The following SMAD2 variants were observed in gnomAD, a reference collection of about 807,000 sequenced individuals.
SMAD2 encodes the protein MAD homolog 2.
In SMAD2, 8 loss-of-function variants were observed where a neutral mutation model predicts 64.4. The observed-to-expected ratio is 0.12, with a 90% CI of 0.07 to 0.22. The LOEUF (loss-of-function observed/expected upper bound fraction) is 0.22. SMAD2 is among the 10% of genes least tolerant of loss of function. SMAD2 has a pLI of 1.00. For synonymous variants in SMAD2, 203 were observed against 195.8 expected (o/e 1.04, Z -0.31); for missense variants, 289 against 561.2 (o/e 0.51, Z 4.90).
chr18:47,881,780 A>G (rs1333493676), intron 2 of SMAD2, among the ~76,000 whole-genome samples: 1 of 152,212 alleles, frequency 6.6e-6, no homozygotes, highest in Non-Finnish European at 1.5e-5. Context: ...AATGCTTATC[A>G]TGAATGGATG....
At chr18:47,913,187 C>G (rs2034208064) in intron 1 of SMAD2, among the ~76,000 whole-genome samples, 1 of 152,206 alleles carries the variant, frequency 6.6e-6, no homozygotes, top group African/African-American at 2.4e-5. Context: ...TCCCAAAGCA[C>G]AGGGATTACA....
At chr18:47,858,038 A>C (rs1464867578) in intron 6 of SMAD2, among the ~76,000 whole-genome samples, 1 of 152,216 alleles carries the variant, frequency 6.6e-6, no homozygotes, top group East Asian at 1.9e-4. Flanking sequence ...TCAACTTGGC[A>C]AATAGAGAAA....
rs1025071246 is a variant in SMAD2 at position 47,837,751 on chromosome 18, G to C, written c.*4076C>G. 1.3e-5 allele frequency: 3 copies of C among 232,802 alleles called. No homozygotes were observed. Among genetic ancestry groups the C allele is most frequent in the Non-Finnish European group, 2.5e-5 (3 of 117,802 alleles). 14.4% of individuals were successfully genotyped at this position (232,802 alleles called of 1,614,324 possible). ...GTCTAAGTATCAATGCCTTCGATCA[G>C]AGTAAGAAAAAAGTATTCATTGTTC... On this transcript the variant is annotated 3_prime_UTR_variant, in exon 11 of 11. Transcript: ENST00000262160.
Position 47,836,636 on chromosome 18 carries a change from TATTA to T in SMAD2, c.*5187_*5190del, listed in dbSNP as rs1209257851. On this transcript the variant is annotated 3_prime_UTR_variant, in exon 11 of 11. Coordinates refer to ENST00000262160, the MANE Select transcript of SMAD2 (RefSeq NM_005901.6). ...ATGTATATATAAATTCATACACATA[TATTA>T]TTTATTTCCTTCTTAAAAAGACTGA... The T allele has an allele frequency of 1.9e-5, 4 of 214,388 alleles. No homozygotes were observed. Among genetic ancestry groups the T allele is most frequent in the East Asian group, 7.0e-5 (1 of 14,350 alleles). The allele number at this position is 214,388 out of a possible 1,614,324, so 13.3% of individuals were successfully genotyped here.
At position 47,813,143 on chromosome 18, in the gene SMAD2, G is replaced by A. The variant is rs1045395402; in HGVS notation, c.*28684C>T. 2 of 152,186 alleles carry A rather than the reference G, an allele frequency of 1.3e-5. No individual in the cohort carries two copies. Among genetic ancestry groups the A allele is most frequent in the African/African-American group, 2.4e-5 (1 of 41,444 alleles). 9.4% of individuals were successfully genotyped at this position (152,186 alleles called of 1,614,324 possible). A position where few individuals can be genotyped will look rare whatever the true frequency, so the allele number is the denominator to read the frequency against. ...AGGCAGAAGAATTGCTTGAATCCAGGAGGCAGAGGTTGCAGTGAGTCAAGA... is the reference window on the plus strand; with the variant it reads ...AGGCAGAAGAATTGCTTGAATCCAGAAGGCAGAGGTTGCAGTGAGTCAAGA... On this transcript the variant is annotated 3_prime_UTR_variant, in exon 11 of 11. Coordinates refer to ENST00000262160, the MANE Select transcript of SMAD2 (RefSeq NM_005901.6).
Position 47,840,557 on chromosome 18 carries a change from T to A in SMAD2, c.*1270A>T, listed in dbSNP as rs562360853. ...ATTTTTAAAATTCTGAATTCATAATTATGTGTAGAATAACAATCAATTTAT... is the reference window on the plus strand; with the variant it reads ...ATTTTTAAAATTCTGAATTCATAATAATGTGTAGAATAACAATCAATTTAT... On this transcript the variant is annotated 3_prime_UTR_variant, in exon 11 of 11. Transcript: ENST00000262160. The A allele has an allele frequency of 4.3e-5, 10 of 232,260 alleles. No homozygotes were observed. In the East Asian group the frequency reaches 6.1e-4, roughly 14 times the overall value. 14.4% of individuals were successfully genotyped at this position (232,260 alleles called of 1,614,324 possible). A position where few individuals can be genotyped will look rare whatever the true frequency, so the allele number is the denominator to read the frequency against.
intron 3 of SMAD2, 116 bp from the exon 4 acceptor site, chr18:47,869,552 T>G: frequency 1.4e-6 from 1 of 733,724 alleles, no homozygotes. Flanking sequence ...TGACAGCCAT[T>G]TAGTTAGTTT....
chr18:47,877,739 T>C (rs553549474), intron 2 of SMAD2, among the ~76,000 whole-genome samples: 8 of 151,826 alleles, frequency 5.3e-5, no homozygotes, highest in East Asian at 2.0e-4. Context: ...GATTGAGAAA[T>C]AAGTAGGTGC....
intron 6 of SMAD2, among the ~76,000 whole-genome samples, chr18:47,854,329 T>C (rs767505137): frequency 1.4e-4 from 21 of 152,186 alleles, no homozygotes; most frequent in Non-Finnish European, 8.8e-5. Flanking sequence ...CGTCAAACCT[T>C]TGACAAATTA....
chr18:47,905,474 A>C (rs2033867096), intron 1 of SMAD2, among the ~76,000 whole-genome samples: 1 of 152,134 alleles, frequency 6.6e-6, no homozygotes, highest in Non-Finnish European at 1.5e-5. Flanking sequence ...AAAAAACTAG[A>C]ATAACCAAAC....
intron 2 of SMAD2, among the ~76,000 whole-genome samples, chr18:47,884,920 T>C (rs997074918): frequency 1.3e-5 from 2 of 152,166 alleles, no homozygotes; most frequent in African/African-American, 2.4e-5. Context: ...GTTTGATATT[T>C]CTGCTGCCCC....
At chr18:47,863,804 A>G (rs2031363285) in intron 6 of SMAD2, among the ~76,000 whole-genome samples, 1 of 152,224 alleles carries the variant, frequency 6.6e-6, no homozygotes, top group South Asian at 2.1e-4. Context: ...ACTTGGATAC[A>G]TAGCTGGCCA....
rs555064840 is a variant in SMAD2, at chr18:47,820,894, TATACACACACAC to T, written c.*20921_*20932del. 0.011 allele frequency: 1,117 copies of T among 103,028 alleles called. 9 individuals are homozygous for T. Among genetic ancestry groups the T allele is most frequent in the African/African-American group, 0.043 (1,052 of 24,340 alleles). 6.4% of individuals were successfully genotyped at this position (103,028 alleles called of 1,614,324 possible). ...GATAGTGTAAATGCTATACATGCAC[TATACACACACAC>T]ACACACACACACACACACACACACA... On this transcript the variant is annotated 3_prime_UTR_variant, in exon 11 of 11. Coordinates refer to ENST00000262160, the MANE Select transcript of SMAD2 (RefSeq NM_005901.6).
chr18:47,834,820 T>G lies in SMAD2; in HGVS notation c.*7007A>C, dbSNP rs369869153. On this transcript the variant is annotated 3_prime_UTR_variant, in exon 11 of 11. Transcript: ENST00000262160. ...TTTTTGCAATTAATCCAGTTTTGTATGTCTTTTCTTTCTTTTTTAGGTGAA... is the reference window on the plus strand; with the variant it reads ...TTTTTGCAATTAATCCAGTTTTGTAGGTCTTTTCTTTCTTTTTTAGGTGAA... The G allele has an allele frequency of 2.7e-5, 6 of 218,586 alleles. No individual in the cohort carries two copies. The highest frequency in any genetic ancestry group is 4.6e-5 in the Non-Finnish European group (5 of 108,712). The allele number at this position is 218,586 out of a possible 1,614,324, so 13.5% of individuals were successfully genotyped here.
chr18:47,918,586 C>T (rs1403493000), intron 1 of SMAD2, among the ~76,000 whole-genome samples: 1 of 152,142 alleles, frequency 6.6e-6, no homozygotes, highest in Non-Finnish European at 1.5e-5. Context: ...CAAACAAAAC[C>T]AGAAAAATTC....
rs1002926667 is a variant in SMAD2 at position 47,827,911 on chromosome 18, G to A, written c.*13916C>T. On this transcript the variant is annotated 3_prime_UTR_variant, in exon 11 of 11. Transcript: ENST00000262160. ...TCTGCCCGGCCGCCACCCCGTCTGG[G>A]AAGTGAGGAGCATCTCTGCCTGGCT... is the stretch of plus-strand genomic sequence containing the variant. 2.9e-4 allele frequency: 53 copies of A among 182,506 alleles called. No individual in the cohort carries two copies. Among genetic ancestry groups the A allele is most frequent in the Non-Finnish European group, 5.1e-4 (45 of 88,742 alleles). The allele number at this position is 182,506 out of a possible 1,614,324, so 11.3% of individuals were successfully genotyped here. A position where few individuals can be genotyped will look rare whatever the true frequency, so the allele number is the denominator to read the frequency against.
intron 1 of SMAD2, among the ~76,000 whole-genome samples, chr18:47,920,821 AC>A (rs1381780403): frequency 6.6e-6 from 1 of 152,210 alleles, no homozygotes; most frequent in Non-Finnish European, 1.5e-5. Flanking sequence ...TGTTTTTAAT[AC>A]CACAAGACTG....
At position 47,872,541 on chromosome 18, in the gene SMAD2, G is replaced by C. The variant is rs916536249; in HGVS notation, c.237-1977C>G. Among the ~76,000 whole-genome samples the C allele has an allele frequency of 1.3e-3, 205 of 152,206 alleles. 1 individual carries two copies. The highest frequency in any genetic ancestry group is 4.6e-3 in the African/African-American group (191 of 41,512). On this transcript the variant is annotated intron_variant, in intron 2 of 10. Transcript: ENST00000262160. ...GATGACTTAAAGCAGGAGTCTCAGA[G>C]GCCACAGACTGATACCGGTCCACGG...
rs1326614848 is a variant in SMAD2, at chr18:47,834,408, T to C, written c.*7419A>G. ...AATCCACATATATACAAAACTCTGCTAAAAGTTTTGTATCCAGGGAAAGTC... is the reference window on the plus strand; with the variant it reads ...AATCCACATATATACAAAACTCTGCCAAAAGTTTTGTATCCAGGGAAAGTC... On this transcript the variant is annotated 3_prime_UTR_variant, in exon 11 of 11. Coordinates refer to ENST00000262160, the MANE Select transcript of SMAD2 (RefSeq NM_005901.6). The C allele has an allele frequency of 4.8e-6, 1 of 207,462 alleles. No individual in the cohort carries two copies. The highest frequency in any genetic ancestry group is 9.8e-6 in the Non-Finnish European group (1 of 101,748). The allele number at this position is 207,462 out of a possible 1,614,324, so 12.9% of individuals were successfully genotyped here.
Sources: allele counts gnomAD v4.1 joint callset (sites outside exome capture counted in the v4.1 genomes callset), GRCh38; gene constraint gnomAD v4.1.1; transcripts MANE v1.5; gene names NCBI Gene and HGNC (gene_info 2026-07-23, HGNC 2026-07-21).